ZNF385D: variants seen among roughly 807,000 people sequenced by gnomAD.
ZNF385D encodes zinc finger protein 659.
ZNF385D carries 15 observed loss-of-function variants against 35.8 expected under a neutral mutation model. That is an observed-to-expected ratio of 0.42 (90% confidence interval 0.28 to 0.64). The LOEUF (loss-of-function observed/expected upper bound fraction) is 0.64, where lower values mean the gene tolerates loss of function less well. Among genes scored for constraint, ZNF385D ranks in the 30% least tolerant of loss-of-function variants. The probability of loss-of-function intolerance (pLI) is 0.23; values close to 1 mark genes in which losing one functional copy is unlikely to be tolerated. For synonymous variants in ZNF385D, 212 were observed against 186.8 expected (o/e 1.13, Z -1.10); for missense variants, 474 against 494.6 (o/e 0.96, Z 0.39).
chr3:21,826,367 G>C (rs192341552), intron 3 of ZNF385D, among the ~76,000 whole-genome samples: 51 of 152,236 alleles, frequency 3.4e-4, no homozygotes, highest in Non-Finnish European at 5.7e-4. Flanking sequence ...CAGCACAGTG[G>C]CCCTGTTCAG....
intron 3 of ZNF385D, among the ~76,000 whole-genome samples, chr3:22,100,644 T>C (rs1046521651): frequency 5.6e-5 from 7 of 124,832 alleles, no homozygotes; most frequent in African/African-American, 3.1e-5. Flanking sequence ...TGAGAACACA[T>C]GGACACAGGA....
intron 3 of ZNF385D, among the ~76,000 whole-genome samples, chr3:22,071,130 C>T (rs953965123): frequency 1.2e-4 from 19 of 152,142 alleles, no homozygotes; most frequent in Non-Finnish European, 2.9e-5. Flanking sequence ...CTGTGCCTGG[C>T]TTTGCACAGC....
rs1046477050 is a variant in ZNF385D, at chr3:21,928,709, G to C, written c.325+240108C>G. Among the ~76,000 whole-genome samples, 6 of 152,252 alleles carry C rather than the reference G, an allele frequency of 3.9e-5. No individual in the cohort carries two copies. In the East Asian group the frequency reaches 1.2e-3, roughly 29 times the overall value. Reference sequence around the variant, plus strand: ...TTTAAAATAAAGAAACGTTATAACAGTATTATGCCAACACCTAGACATTTA... The same window carrying C: ...TTTAAAATAAAGAAACGTTATAACACTATTATGCCAACACCTAGACATTTA... On this transcript the variant is annotated intron_variant, in intron 3 of 5. Coordinates refer to the ZNF385D transcript ENST00000494108.
At chr3:21,956,680 T>C (rs1467489541) in intron 3 of ZNF385D, among the ~76,000 whole-genome samples, 1 of 151,424 alleles carries the variant, frequency 6.6e-6, no homozygotes, top group African/African-American at 2.4e-5. Flanking sequence ...AAGTGATAAA[T>C]GATTTTCGTC....
intron 1 of ZNF385D, among the ~76,000 whole-genome samples, chr3:21,694,204 C>T (rs1388918016): frequency 5.3e-5 from 8 of 151,560 alleles, no homozygotes; most frequent in South Asian, 4.2e-4. Context: ...CCACCACGCC[C>T]GGCTAATTTT....
chr3:22,188,442 C>T (rs915912228), intron 2 of ZNF385D, among the ~76,000 whole-genome samples: 7 of 143,082 alleles, frequency 4.9e-5, no homozygotes, highest in Non-Finnish European at 4.5e-5. Context: ...CATACAAATA[C>T]GTGTGTATAC....
At chr3:22,071,994 A>C (rs763956198) in intron 3 of ZNF385D, among the ~76,000 whole-genome samples, 1 of 152,174 alleles carries the variant, frequency 6.6e-6, no homozygotes, top group Non-Finnish European at 1.5e-5. Context: ...TTCAGAAAAA[A>C]AGATACATAA....
chr3:21,680,604 C>G (rs975170662), intron 1 of ZNF385D, among the ~76,000 whole-genome samples: 1 of 152,080 alleles, frequency 6.6e-6, no homozygotes, highest in African/African-American at 2.4e-5. Context: ...GCTTTTTTAT[C>G]AAAAGGTAAT....
Position 21,724,477 on chromosome 3 carries a change from C to CAAAAA in ZNF385D, c.22+26413_22+26417dup, listed in dbSNP as rs200803155. Among the ~76,000 whole-genome samples, 47 of 51,938 alleles carry CAAAAA rather than the reference C, an allele frequency of 9.0e-4. 4 individuals carry two copies. Among genetic ancestry groups the CAAAAA allele is most frequent in the African/African-American group, 2.5e-3 (16 of 6,314 alleles). 34.1% of individuals were successfully genotyped at this position (51,938 alleles called of 152,430 possible). A position where few individuals can be genotyped will look rare whatever the true frequency, so the allele number is the denominator to read the frequency against. Reference sequence around the variant, plus strand: ...AATATTTACCAAGCAAATGGAAAGCCAAAAAAAAAAAAAAAAAAAAAAAAA... The same window carrying CAAAAA: ...AATATTTACCAAGCAAATGGAAAGCCAAAAAAAAAAAAAAAAAAAAAAAAAAAAAA... On this transcript the variant is annotated intron_variant, in intron 1 of 7. Transcript: ENST00000281523.
chr3:22,343,665 A>G (rs1053444598), intron 2 of ZNF385D, among the ~76,000 whole-genome samples: 2 of 152,196 alleles, frequency 1.3e-5, no homozygotes, highest in Non-Finnish European at 2.9e-5. Context: ...CATTGACCCT[A>G]TAAGCTACCC....
At chr3:21,440,276 T>A (rs1001080997) in intron 4 of ZNF385D, among the ~76,000 whole-genome samples, 10 of 152,130 alleles carry the variant, frequency 6.6e-5, no homozygotes, top group Admixed American at 6.6e-4. Flanking sequence ...AATGATAATG[T>A]TAACAGCAGC....
intron 3 of ZNF385D, among the ~76,000 whole-genome samples, chr3:21,524,341 C>T (rs1708099021): frequency 6.6e-6 from 1 of 152,290 alleles, no homozygotes; most frequent in African/African-American, 2.4e-5. Context: ...CCTGTTTAAG[C>T]ACTGAAACAC....
intron 4 of ZNF385D, among the ~76,000 whole-genome samples, chr3:21,509,905 T>C (rs922383857): frequency 2.6e-5 from 4 of 152,246 alleles, no homozygotes; most frequent in African/African-American, 4.8e-5. Context: ...GTAATAAGGA[T>C]GTTACATTGT....
At chr3:22,084,629 G>A (rs1206627912) in intron 3 of ZNF385D, among the ~76,000 whole-genome samples, 1 of 152,116 alleles carries the variant, frequency 6.6e-6, no homozygotes, top group Non-Finnish European at 1.5e-5. Context: ...AAATAATAAT[G>A]GGAGACTTTA....
In ZNF385D at chr3:21,837,484, G is replaced by T. The variant is rs6790711; in HGVS notation, c.326-172456C>A. ...CATGGTATGGTGGGTTCAGGGTAGT[G>T]CTCCAAGTGAGTACAGGTGCATGGC... On this transcript the variant is annotated intron_variant, in intron 3 of 5. Transcript: ENST00000494108. Among the ~76,000 whole-genome samples, 267 of 152,172 alleles carry T rather than the reference G, an allele frequency of 1.8e-3. 2 individuals are homozygous for T. The highest frequency in any genetic ancestry group is 6.2e-3 in the African/African-American group (259 of 41,516).
At chr3:21,736,405 C>T (rs7609705) in intron 1 of ZNF385D, among the ~76,000 whole-genome samples, 5,188 of 152,244 alleles carry the variant, frequency 0.034, 157 homozygotes, top group African/African-American at 0.079. Context: ...AAGAAAGAAT[C>T]ACTGAAATGT....
At chr3:22,328,257 G>T (rs759059610) in intron 2 of ZNF385D, among the ~76,000 whole-genome samples, 1 of 151,300 alleles carries the variant, frequency 6.6e-6, no homozygotes, top group Non-Finnish European at 1.5e-5. Flanking sequence ...TATTTTTCTG[G>T]AGTCCTTTTT....
At chr3:21,822,684 G>T (rs879339006) in intron 3 of ZNF385D, among the ~76,000 whole-genome samples, 10 of 152,096 alleles carry the variant, frequency 6.6e-5, no homozygotes, top group African/African-American at 9.7e-5. Flanking sequence ...GAAGCCAAAT[G>T]CATAGTTACA....
intron 2 of ZNF385D, among the ~76,000 whole-genome samples, chr3:21,595,357 T>C (rs899395901): frequency 6.6e-6 from 1 of 151,784 alleles, no homozygotes; most frequent in African/African-American, 2.4e-5. Context: ...CCATTCTCAT[T>C]ATATATACTA....
Sources: allele counts gnomAD v4.1 joint callset (sites outside exome capture counted in the v4.1 genomes callset), GRCh38; gene constraint gnomAD v4.1.1; transcripts MANE v1.5; gene names NCBI Gene and HGNC (gene_info 2026-07-23, HGNC 2026-07-21).